OCIAD1: variants seen among roughly 807,000 people sequenced by gnomAD.
OCIAD1 encodes OCIA domain-containing protein 1.
OCIAD1 carries 29 observed loss-of-function variants against 38.9 expected under a neutral mutation model. The observed-to-expected ratio is 0.74, with a 90% CI of 0.55 to 1.02. The LOEUF (loss-of-function observed/expected upper bound fraction) is 1.02, where lower values mean the gene tolerates loss of function less well. Among genes scored for constraint, OCIAD1 ranks in the 50% least tolerant of loss-of-function variants. The pLI is 0.00. For missense variants in OCIAD1, 288 were observed against 289.6 expected (o/e 0.99, Z 0.04); for synonymous variants, 110 against 92.0 (o/e 1.20, Z -1.12).
chr4:48,842,103 C>T (rs1486685377), intron 3 of OCIAD1, among the ~76,000 whole-genome samples: 1 of 152,196 alleles, frequency 6.6e-6, no homozygotes, highest in African/African-American at 2.4e-5. Context: ...GAGCAAATTA[C>T]TTAACATCTC....
chr4:48,805,656 C>T (rs1027740369), intron 1 of OCIAD1, among the ~76,000 whole-genome samples: 1 of 151,662 alleles, frequency 6.6e-6, no homozygotes, highest in Non-Finnish European at 1.5e-5. Flanking sequence ...TGTACTCCAG[C>T]CTGGGTGACA....
intron 1 of OCIAD1, chr4:48,831,619 C>A: frequency 1.8e-6 from 2 of 1,116,166 alleles, no homozygotes; most frequent in Non-Finnish European, 2.4e-6. Context: ...AGCGCCGTGT[C>A]AGCCCTGACA....
chr4:48,849,579 TTTA>T lies in OCIAD1; in HGVS notation c.242-365_242-363del, dbSNP rs575020130. Among the ~76,000 whole-genome samples, 79 of 152,342 alleles carry T rather than the reference TTTA, an allele frequency of 5.2e-4. No homozygotes were observed. In the South Asian group the frequency reaches 0.013, roughly 25 times the overall value. ...CCTAAATCCTTGTGATCTAGTTCTG[TTTA>T]TTTAGAACTAGAAATAAATAAATGT... On this transcript the variant is annotated intron_variant, in intron 5 of 8. Coordinates refer to ENST00000264312, the MANE Select transcript of OCIAD1 (RefSeq NM_017830.4).
At chr4:48,841,712 G>T (rs1778548466) in intron 3 of OCIAD1, among the ~76,000 whole-genome samples, 1 of 152,128 alleles carries the variant, frequency 6.6e-6, no homozygotes, top group African/African-American at 2.4e-5. Context: ...CACAGGGTTG[G>T]TCACTCAAAG....
chr4:48,838,642 T>C (rs1453383813), intron 3 of OCIAD1, among the ~76,000 whole-genome samples: 1 of 152,256 alleles, frequency 6.6e-6, no homozygotes, highest in African/African-American at 2.4e-5. Flanking sequence ...GTGACATTTA[T>C]GTAAACAAAT....
At chr4:48,814,232 T>C (rs1777120090) in intron 1 of OCIAD1, among the ~76,000 whole-genome samples, 1 of 149,020 alleles carries the variant, frequency 6.7e-6, no homozygotes, top group African/African-American at 2.5e-5. Context: ...TCACCTCCTG[T>C]GGAGGGGTTT....
At chr4:48,850,781 AC>A (rs1779379904) in intron 6 of OCIAD1, among the ~76,000 whole-genome samples, 1 of 152,076 alleles carries the variant, frequency 6.6e-6, no homozygotes. Flanking sequence ...TACTGTGTTT[AC>A]CAGGCTGGTC....
At chr4:48,855,372 A>G (rs1441703315) in intron 7 of OCIAD1, among the ~76,000 whole-genome samples, 3 of 152,224 alleles carry the variant, frequency 2.0e-5, no homozygotes, top group Non-Finnish European at 2.9e-5. Context: ...TAATCCCAAT[A>G]TAAGGTTATA....
chr4:48,857,808 C>T (rs116736272), intron 8 of OCIAD1, among the ~76,000 whole-genome samples: 4,253 of 152,226 alleles, frequency 0.028, 78 homozygotes, highest in Middle Eastern at 0.065. Flanking sequence ...CCACCGTGTC[C>T]GGCCAGTTTT....
At chr4:48,840,584 G>GGCAAAGTTAATGCCCTAT (rs1778420518) in intron 3 of OCIAD1, among the ~76,000 whole-genome samples, 1 of 152,196 alleles carries the variant, frequency 6.6e-6, no homozygotes, top group African/African-American at 2.4e-5. Context: ...TAATTCAAAT[G>GGCAAAGTTAATGCCCTAT]TCTTAATTAC....
chr4:48,830,080 T>G (rs371405218), upstream of OCIAD1, among the ~76,000 whole-genome samples: 1 of 152,168 alleles, frequency 6.6e-6, no homozygotes, highest in Non-Finnish European at 1.5e-5. Context: ...CAGAGAACAC[T>G]GAGGGCAAAG....
At chr4:48,814,038 G>T (rs983195181) in intron 1 of OCIAD1, among the ~76,000 whole-genome samples, 3 of 152,154 alleles carry the variant, frequency 2.0e-5, no homozygotes, top group Non-Finnish European at 4.4e-5. Flanking sequence ...GGACCCAGCT[G>T]CAAAATTCAA....
Position 48,857,290 on chromosome 4 carries a change from T to TTAAGGAATAAGAA in OCIAD1, c.625_626insTAAGGAATAAGAA (p.Ser209LeufsTer7), listed in dbSNP as rs1178937305. On this transcript the variant is annotated frameshift_variant, in exon 8 of 9. Coordinates refer to ENST00000264312, the MANE Select transcript of OCIAD1 (RefSeq NM_017830.4). LOFTEE classifies it high-confidence loss of function. The stretch of plus-strand genomic sequence containing the variant: ...GGAATTAAGGAATAAGAACAGAGAG[T>TTAAGGAATAAGAA]CATATGAAGTATCTTTAACACAAAA... 1 of 1,598,916 alleles carries TTAAGGAATAAGAA rather than the reference T, an allele frequency of 6.3e-7. No homozygotes were observed. Among genetic ancestry groups the TTAAGGAATAAGAA allele is most frequent in the African/African-American group, 1.4e-5 (1 of 74,044 alleles).
At chr4:48,811,210 C>G (rs547455456) in intron 1 of OCIAD1, among the ~76,000 whole-genome samples, 8 of 152,150 alleles carry the variant, frequency 5.3e-5, no homozygotes, top group Non-Finnish European at 1.2e-4. Context: ...TCATCGTGAT[C>G]TCTTGCCTAA....
chr4:48,845,903 G>A (rs1451184651), intron 4 of OCIAD1, among the ~76,000 whole-genome samples: 1 of 152,186 alleles, frequency 6.6e-6, no homozygotes, highest in East Asian at 1.9e-4. Flanking sequence ...AGAGTATTGC[G>A]TTAACCTTCA....
chr4:48,808,524 A>G (rs1777053958), intron 1 of OCIAD1, among the ~76,000 whole-genome samples: 1 of 152,088 alleles, frequency 6.6e-6, no homozygotes, highest in Non-Finnish European at 1.5e-5. Context: ...CTCAAGGGAT[A>G]ATCCCCTGAG....
rs571889580 is a variant in OCIAD1, at chr4:48,810,393, C to T, written c.-103+5063C>T. 8.2e-5 allele frequency among the ~76,000 whole-genome samples: 12 copies of T among 145,610 alleles called. No individual in the cohort carries two copies. In the South Asian group the frequency reaches 8.6e-4, roughly 10 times the overall value. ...CCGAGGCAGGAGAATGGCGTGAACCCGGGAGGTGGAGCTTGCAGTGAGCCA... is the reference window on the plus strand; with the variant it reads ...CCGAGGCAGGAGAATGGCGTGAACCTGGGAGGTGGAGCTTGCAGTGAGCCA... On this transcript the variant is annotated intron_variant, in intron 1 of 6. Transcript: ENST00000504654.
At chr4:48,850,146 T>C in intron 6 of OCIAD1, 64 bp downstream of exon 6, 6 of 1,535,236 alleles carry the variant, frequency 3.9e-6, no homozygotes, top group Non-Finnish European at 5.3e-6. Flanking sequence ...GATGTTGCTA[T>C]AACTCATGGC....
At chr4:48,812,614 T>G (rs934940458) in intron 1 of OCIAD1, among the ~76,000 whole-genome samples, 13 of 152,218 alleles carry the variant, frequency 8.5e-5, no homozygotes, top group African/African-American at 2.9e-4. Context: ...GGATAGAGAA[T>G]TGAAAGATTG....
Sources: allele counts gnomAD v4.1 joint callset (sites outside exome capture counted in the v4.1 genomes callset), GRCh38; gene constraint gnomAD v4.1.1; transcripts MANE v1.5; gene names NCBI Gene and HGNC (gene_info 2026-07-23, HGNC 2026-07-21).